The following TRIM5 variants were observed in gnomAD, a reference collection of about 807,000 sequenced individuals.
TRIM5 encodes tripartite motif containing 5.
TRIM5 carries 31 observed loss-of-function variants against 35.6 expected under a neutral mutation model. That is an observed-to-expected ratio of 0.87 (90% CI 0.65 to 1.18). TRIM5 has a LOEUF of 1.18. Among genes scored for constraint, TRIM5 ranks in the 50% most tolerant of loss-of-function variants. The pLI, the probability that TRIM5 is intolerant of heterozygous loss-of-function variation, is 0.00. For synonymous variants in TRIM5, 243 were observed against 215.6 expected (o/e 1.13, Z -1.11); for missense variants, 609 against 591.6 (o/e 1.03, Z -0.31).
At chr11:5,604,022 G>A in the TRIM5 span, among the ~76,000 whole-genome samples, 8 of 152,014 alleles carry the variant, frequency 5.3e-5, no homozygotes, top group African/African-American at 1.4e-4. Flanking sequence ...TTGAGAAGGC[G>A]TCTCGCTCTG....
At chr11:5,662,423 G>C (rs1850861454), downstream of TRIM5, among the ~76,000 whole-genome samples, 1 of 150,644 alleles carries the variant, frequency 6.6e-6, no homozygotes, top group South Asian at 2.1e-4. Context: ...TGTCATTTAT[G>C]AAAATTACCA....
chr11:5,651,192 T>A, the TRIM5 span, among the ~76,000 whole-genome samples: 3 of 152,206 alleles, frequency 2.0e-5, no homozygotes, highest in Non-Finnish European at 4.4e-5. Context: ...AAAGGGATAT[T>A]TCCATACACC....
chr11:5,590,311 G>A, the TRIM5 span: 2 of 154,954 alleles, frequency 1.3e-5, no homozygotes, highest in African/African-American at 4.8e-5. Flanking sequence ...GCCCCTGTGT[G>A]GGATCCACTA....
chr11:5,633,031 G>T, the TRIM5 span, among the ~76,000 whole-genome samples: 3 of 145,514 alleles, frequency 2.1e-5, no homozygotes, highest in East Asian at 6.1e-4. Context: ...GTAGAGACGG[G>T]ATTTCACCAT....
the TRIM5 span, among the ~76,000 whole-genome samples, chr11:5,631,332 T>C: frequency 2.6e-5 from 4 of 152,238 alleles, no homozygotes; most frequent in Admixed American, 6.5e-5. Flanking sequence ...TTTCTTTGTT[T>C]AAATAAGTGG....
At chr11:5,614,174 C>A in the TRIM5 span, among the ~76,000 whole-genome samples, 4 of 152,120 alleles carry the variant, frequency 2.6e-5, no homozygotes. Flanking sequence ...TCTAAAAATA[C>A]ATAATGGATC....
the TRIM5 span, chr11:5,610,748 A>G: frequency 3.1e-6 from 5 of 1,608,438 alleles, no homozygotes; most frequent in Non-Finnish European, 4.3e-6. Context: ...CCCCGTTCTC[A>G]TCTGCTGATG....
the TRIM5 span, among the ~76,000 whole-genome samples, chr11:5,628,377 A>T: frequency 1.3e-5 from 2 of 151,812 alleles, no homozygotes; most frequent in African/African-American, 4.8e-5. Flanking sequence ...TATCATATAA[A>T]CTCCTTGTCT....
rs747950258 is a variant in TRIM5 at position 5,665,277 on chromosome 11, T to C, written c.1014A>G (p.Thr338=). 1 of 1,614,184 alleles carries C rather than the reference T, an allele frequency of 6.2e-7. No individual in the cohort carries two copies. The highest frequency in any genetic ancestry group is 1.7e-5 in the Admixed American group (1 of 60,016). The change falls in exon 8 of 8, where the codon ACA becomes ACG. Residue 338 remains threonine, a synonymous_variant. Coordinates refer to ENST00000380034, the MANE Select transcript of TRIM5 (RefSeq NM_033034.3). ...CAGTACAATAATTGAAATTCACAAA[T>C]GTCTGGTATCTTGTCCCTCGTGCCC... is the stretch of plus-strand genomic sequence containing the variant. ...IYGARGTRYQ[T]FVNFNYCTGI...
the TRIM5 span, among the ~76,000 whole-genome samples, chr11:5,616,687 G>A: frequency 6.9e-6 from 1 of 144,038 alleles, no homozygotes; most frequent in African/African-American, 2.5e-5. Context: ...GATTGGTGAA[G>A]GGCTAGTTCT....
chr11:5,651,178 T>A, the TRIM5 span, among the ~76,000 whole-genome samples: 1 of 152,186 alleles, frequency 6.6e-6, no homozygotes, highest in Non-Finnish European at 1.5e-5. Context: ...TCCTTTTCAC[T>A]TTAAAAGGGA....
At chr11:5,657,096 T>C in the TRIM5 span, among the ~76,000 whole-genome samples, 2 of 152,092 alleles carry the variant, frequency 1.3e-5, no homozygotes, top group East Asian at 3.9e-4. Flanking sequence ...ATAAAGAAAA[T>C]GTGGCACATA....
At chr11:5,609,850 G>T in the TRIM5 span, among the ~76,000 whole-genome samples, 1 of 152,176 alleles carries the variant, frequency 6.6e-6, no homozygotes, top group Non-Finnish European at 1.5e-5. Flanking sequence ...TTGAACCTGG[G>T]AGGTGGAGGT....
At chr11:5,650,785 T>C in the TRIM5 span, among the ~76,000 whole-genome samples, 6 of 152,266 alleles carry the variant, frequency 3.9e-5, no homozygotes, top group African/African-American at 1.2e-4. Context: ...TGGTCCATAG[T>C]TCAGTGTTCA....
chr11:5,669,130 A>G (rs1851373833), intron 4 of TRIM5, among the ~76,000 whole-genome samples: 1 of 142,716 alleles, frequency 7.0e-6, no homozygotes, highest in Non-Finnish European at 1.5e-5. Context: ...CCCAGGCTGC[A>G]GTGCAACGGC....
chr11:5,642,811 T>C, the TRIM5 span: 1 of 1,614,026 alleles, frequency 6.2e-7, no homozygotes, highest in Non-Finnish European at 8.5e-7. Flanking sequence ...TCTTTTATTA[T>C]TTCAGAACTG....
the TRIM5 span, among the ~76,000 whole-genome samples, chr11:5,636,667 G>A: frequency 6.6e-6 from 1 of 152,108 alleles, no homozygotes; most frequent in Non-Finnish European, 1.5e-5. Context: ...TCCTATTTCA[G>A]TCAGTCTTAG....
At chr11:5,642,173 C>A in the TRIM5 span, among the ~76,000 whole-genome samples, 3 of 152,106 alleles carry the variant, frequency 2.0e-5, no homozygotes, top group Admixed American at 2.0e-4. Flanking sequence ...AAGGAAGAAA[C>A]TGTGCTTTCA....
chr11:5,668,474 G>A (rs77833139), intron 4 of TRIM5, among the ~76,000 whole-genome samples: 1 of 151,860 alleles, frequency 6.6e-6, no homozygotes, highest in South Asian at 2.1e-4. Flanking sequence ...TTTTTTTTAA[G>A]AAGGAGTCTC....
Sources: allele counts gnomAD v4.1 joint callset (sites outside exome capture counted in the v4.1 genomes callset), GRCh38; gene constraint gnomAD v4.1.1; transcripts MANE v1.5; gene names NCBI Gene and HGNC (gene_info 2026-07-23, HGNC 2026-07-21).